The following THSD4 variants were observed in gnomAD, a reference collection of about 807,000 sequenced individuals.
THSD4 encodes thrombospondin type 1 domain containing 4.
In THSD4, 69 loss-of-function variants were observed where a neutral mutation model predicts 119.0. That is an observed-to-expected ratio of 0.58 (90% CI 0.48 to 0.71). The LOEUF (loss-of-function observed/expected upper bound fraction) is 0.71, where lower values mean the gene tolerates loss of function less well. Ranked by LOEUF, THSD4 falls within the 30% of genes least tolerant of loss-of-function variation. THSD4 has a pLI of 0.00. For missense variants in THSD4, 1,393 were observed against 1,391.1 expected (o/e 1.00, Z -0.02); for synonymous variants, 524 against 540.4 (o/e 0.97, Z 0.42).
rs1445389580 is a variant in THSD4, at chr15:71,206,139, G to A, written c.100-8896G>A. Among the ~76,000 whole-genome samples, 3 of 152,156 alleles carry A rather than the reference G, an allele frequency of 2.0e-5. No individual in the cohort carries two copies. The East Asian group carries it at 5.8e-4, about 29-fold the overall frequency. ...TGATTCTCCTGCCTCAGCCTCCCGA[G>A]TAGCTGGGATTACAAGTGTGCACCA... On this transcript the variant is annotated intron_variant, in intron 3 of 17. Transcript: ENST00000261862.
upstream of THSD4, chr15:71,111,289 G>T: frequency 1.2e-6 from 2 of 1,613,992 alleles, no homozygotes; most frequent in Non-Finnish European, 1.7e-6. Context: ...CATTCCGTCT[G>T]GAAACCATTT....
chr15:71,472,854 G>A (rs1312307476), intron 7 of THSD4, among the ~76,000 whole-genome samples: 1 of 152,192 alleles, frequency 6.6e-6, no homozygotes, highest in Non-Finnish European at 1.5e-5. Flanking sequence ...CCCATGGGAA[G>A]GAAATGTAGC....
intron 2 of THSD4, among the ~76,000 whole-genome samples, chr15:71,143,838 A>G (rs2040630927): frequency 6.6e-6 from 1 of 151,412 alleles, no homozygotes; most frequent in South Asian, 2.1e-4. Flanking sequence ...CCAAGTACGA[A>G]TAGCCATGTC....
At chr15:71,503,117 C>T (rs969460793) in intron 7 of THSD4, among the ~76,000 whole-genome samples, 19 of 152,140 alleles carry the variant, frequency 1.2e-4, no homozygotes, top group Non-Finnish European at 2.4e-4. Flanking sequence ...AGATGGATGG[C>T]AGAGAAGCCC....
intron 3 of THSD4, among the ~76,000 whole-genome samples, chr15:71,163,444 T>A (rs1326740230): frequency 6.6e-6 from 1 of 152,064 alleles, no homozygotes; most frequent in Non-Finnish European, 1.5e-5. Context: ...TACTGGCACT[T>A]TAAGAAAACG....
intron 4 of THSD4, among the ~76,000 whole-genome samples, chr15:71,234,730 T>A (rs1366460516): frequency 6.6e-6 from 1 of 152,192 alleles, no homozygotes; most frequent in African/African-American, 2.4e-5. Flanking sequence ...TAAAGCTCAG[T>A]TTTTCCAATT....
intron 6 of THSD4, among the ~76,000 whole-genome samples, chr15:71,383,451 G>T (rs1403711157): frequency 1.3e-5 from 2 of 152,150 alleles, no homozygotes; most frequent in African/African-American, 4.8e-5. Context: ...ATACTTTAAG[G>T]CCTACTTAAG....
chr15:71,340,857 C>T (rs564195263), intron 6 of THSD4, among the ~76,000 whole-genome samples: 1 of 152,236 alleles, frequency 6.6e-6, no homozygotes, highest in East Asian at 1.9e-4. Context: ...ACCTCTGCCT[C>T]CCAAAGTCCT....
intron 3 of THSD4, among the ~76,000 whole-genome samples, chr15:71,171,249 C>G (rs1596239874): frequency 6.6e-6 from 1 of 151,980 alleles, no homozygotes; most frequent in Admixed American, 6.5e-5. Context: ...TCAAATTGCT[C>G]AAGACCACTG....
chr15:71,740,171 CTTCTT>C (rs2053208032), intron 11 of THSD4, among the ~76,000 whole-genome samples: 1 of 151,470 alleles, frequency 6.6e-6, no homozygotes, highest in Non-Finnish European at 1.5e-5. Context: ...ATTGGACCAA[CTTCTT>C]TTATATACTT....
chr15:71,141,566 G>A lies in THSD4; in HGVS notation c.29+10G>A. 1.2e-6 allele frequency: 2 copies of A among 1,605,644 alleles called. No homozygotes were observed. The highest frequency in any genetic ancestry group is 8.5e-7 in the Non-Finnish European group (1 of 1,176,768). ...TCATGGGGTCTCTCAGGTAAGTGAA[G>A]AAACTTTTTTTAAAAAAACAGGAGA... On this transcript the variant is annotated intron_variant, in intron 2 of 17. Transcript: ENST00000261862.
intron 8 of THSD4, among the ~76,000 whole-genome samples, chr15:71,689,000 G>A (rs767927195): frequency 2.6e-5 from 4 of 152,080 alleles, no homozygotes; most frequent in Non-Finnish European, 2.9e-5. Flanking sequence ...GCTCAGGAAC[G>A]CCTTTTGTCC....
At chr15:71,593,652 T>C (rs1464761557) in intron 7 of THSD4, among the ~76,000 whole-genome samples, 1 of 151,976 alleles carries the variant, frequency 6.6e-6, no homozygotes, top group Non-Finnish European at 1.5e-5. Flanking sequence ...TCCCAGCACT[T>C]TGGGAGGCCG....
At chr15:71,709,700 C>G (rs1232494719) in intron 8 of THSD4, among the ~76,000 whole-genome samples, 1 of 152,186 alleles carries the variant, frequency 6.6e-6, no homozygotes, top group Non-Finnish European at 1.5e-5. Flanking sequence ...AGTAAGAGCA[C>G]TGGGTGGACA....
chr15:71,432,555 A>T (rs1403789563), intron 7 of THSD4, among the ~76,000 whole-genome samples: 1 of 151,436 alleles, frequency 6.6e-6, no homozygotes, highest in African/African-American at 2.4e-5. Flanking sequence ...TTTACTCAAA[A>T]AGTGAACAAA....
At chr15:71,542,282 T>A (rs1432276476) in intron 7 of THSD4, among the ~76,000 whole-genome samples, 2 of 152,210 alleles carry the variant, frequency 1.3e-5, no homozygotes, top group Non-Finnish European at 2.9e-5. Flanking sequence ...GAATTTGTGA[T>A]GGTTTTAACA....
chr15:71,564,921 A>T (rs1382188934), intron 7 of THSD4, among the ~76,000 whole-genome samples: 3 of 151,754 alleles, frequency 2.0e-5, no homozygotes, highest in African/African-American at 4.8e-5. Context: ...TATCCAGGAC[A>T]AAAAGGTTAA....
intron 7 of THSD4, among the ~76,000 whole-genome samples, chr15:71,466,150 C>T (rs2047496060): frequency 6.6e-6 from 1 of 151,914 alleles, no homozygotes; most frequent in African/African-American, 2.4e-5. Flanking sequence ...GAGATCAAGA[C>T]CATCCTGGCT....
At chr15:71,625,712 A>C (rs2050495772) in intron 7 of THSD4, among the ~76,000 whole-genome samples, 1 of 152,248 alleles carries the variant, frequency 6.6e-6, no homozygotes, top group Non-Finnish European at 1.5e-5. Context: ...AGTATTAATT[A>C]GCAGTAACTA....
Sources: allele counts gnomAD v4.1 joint callset (sites outside exome capture counted in the v4.1 genomes callset), GRCh38; gene constraint gnomAD v4.1.1; transcripts MANE v1.5; gene names NCBI Gene and HGNC (gene_info 2026-07-23, HGNC 2026-07-21).